Variants in ZNF385D observed in about 807,000 individuals in gnomAD.
The protein encoded by ZNF385D is zinc finger protein 385D.
Under a neutral mutation model 35.8 loss-of-function variants are expected in ZNF385D, and 15 were observed. That is an observed-to-expected ratio of 0.42 (90% CI 0.28 to 0.64). The LOEUF (loss-of-function observed/expected upper bound fraction) is 0.64. ZNF385D is among the 30% of genes least tolerant of loss of function. The probability of loss-of-function intolerance (pLI) is 0.23; values close to 1 mark genes in which losing one functional copy is unlikely to be tolerated. For missense variants in ZNF385D, 474 were observed against 494.6 expected (o/e 0.96, Z 0.39); for synonymous variants, 212 against 186.8 (o/e 1.13, Z -1.10).
At chr3:21,915,521 A>G (rs955913915) in intron 3 of ZNF385D, among the ~76,000 whole-genome samples, 2 of 152,168 alleles carry the variant, frequency 1.3e-5, no homozygotes, top group African/African-American at 4.8e-5. Flanking sequence ...TAAAATAAGT[A>G]AATGTGTTTC....
At chr3:21,456,096 GAGAGGATGTGGAGA>G (rs1040643396) in intron 4 of ZNF385D, among the ~76,000 whole-genome samples, 4 of 152,184 alleles carry the variant, frequency 2.6e-5, no homozygotes, top group African/African-American at 9.7e-5. Context: ...ACAGATGCTG[GAGAGGATGTGGAGA>G]AATAGGAACA....
At chr3:22,323,507 G>C (rs1172242596) in intron 2 of ZNF385D, among the ~76,000 whole-genome samples, 1 of 151,970 alleles carries the variant, frequency 6.6e-6, no homozygotes, top group East Asian at 1.9e-4. Flanking sequence ...AACACATTGA[G>C]GTAAATGCTT....
chr3:21,678,478 A>T (rs2066797693), intron 1 of ZNF385D, among the ~76,000 whole-genome samples: 1 of 152,050 alleles, frequency 6.6e-6, no homozygotes, highest in Non-Finnish European at 1.5e-5. Flanking sequence ...TCGTGAAGTG[A>T]CCTAATCACT....
intron 3 of ZNF385D, among the ~76,000 whole-genome samples, chr3:21,908,908 AT>A (rs1188471892): frequency 6.6e-6 from 1 of 152,164 alleles, no homozygotes; most frequent in East Asian, 1.9e-4. Flanking sequence ...TATGAAAATT[AT>A]TTTTTTCAAT....
chr3:21,751,047 A>G lies in ZNF385D; in HGVS notation c.-131T>C. The G allele has an allele frequency of 6.4e-7, 1 of 1,556,586 alleles. No individual in the cohort carries two copies. On this transcript the variant is annotated 5_prime_UTR_variant, in exon 1 of 8. Coordinates refer to ENST00000281523, the MANE Select transcript of ZNF385D (RefSeq NM_024697.3). ...CCGGCGTGGAGAGCAGTGAGCGCCG[A>G]GAGCGTGCCTCCTCCGCGGGATGAG...
intron 3 of ZNF385D, among the ~76,000 whole-genome samples, chr3:22,030,286 TATATATATA>T (rs1697897486): frequency 2.0e-5 from 2 of 100,278 alleles, no homozygotes; most frequent in African/African-American, 8.1e-5. Context: ...TATATATATA[TATATATATA>T]TATATATCCT....
intron 3 of ZNF385D, among the ~76,000 whole-genome samples, chr3:21,973,625 G>A (rs138345170): frequency 6.6e-6 from 1 of 151,826 alleles, no homozygotes; most frequent in Admixed American, 6.6e-5. Flanking sequence ...GAAAAGGAAA[G>A]AAGTAAAATT....
At chr3:21,866,437 C>A (rs1697368797) in intron 3 of ZNF385D, among the ~76,000 whole-genome samples, 1 of 152,144 alleles carries the variant, frequency 6.6e-6, no homozygotes. Flanking sequence ...TCTTGGGCAA[C>A]AGGAGTGAAA....
At chr3:21,859,117 C>A (rs1045322835) in intron 3 of ZNF385D, among the ~76,000 whole-genome samples, 1 of 151,982 alleles carries the variant, frequency 6.6e-6, no homozygotes, top group African/African-American at 2.4e-5. Flanking sequence ...AGTAGAAATG[C>A]CATCTGGAAA....
At chr3:22,118,693 T>C (rs778193265) in intron 3 of ZNF385D, among the ~76,000 whole-genome samples, 1 of 152,106 alleles carries the variant, frequency 6.6e-6, no homozygotes, top group East Asian at 1.9e-4. Flanking sequence ...AAAGAGCAGA[T>C]AGCTGTTTTG....
chr3:21,517,008 T>C (rs923286021), intron 3 of ZNF385D, among the ~76,000 whole-genome samples: 5 of 152,096 alleles, frequency 3.3e-5, no homozygotes, highest in South Asian at 2.1e-4. Context: ...TTAGCTTAGA[T>C]TATTTCAGAG....
intron 4 of ZNF385D, among the ~76,000 whole-genome samples, chr3:21,471,271 TCTTTCTCTCTCTCTCTCTCTCTCTCACA>T (rs1443945575): frequency 3.7e-5 from 4 of 106,784 alleles, no homozygotes; most frequent in Non-Finnish European, 5.6e-5. Flanking sequence ...TCTCTCTCTC[TCTTTCTCTCTCTCTCTCTCTCTCTCACA>T]CACACACACA....
At chr3:21,991,579 T>A (rs7652319) in intron 3 of ZNF385D, among the ~76,000 whole-genome samples, 1 of 152,090 alleles carries the variant, frequency 6.6e-6, no homozygotes, top group Non-Finnish European at 1.5e-5. Flanking sequence ...GTGGGCAAAA[T>A]GTTCCACCAC....
At chr3:21,655,807 C>A (rs2066055106) in intron 2 of ZNF385D, among the ~76,000 whole-genome samples, 1 of 151,898 alleles carries the variant, frequency 6.6e-6, no homozygotes, top group African/African-American at 2.4e-5. Context: ...AGTGATTTAC[C>A]ATTTGTATGA....
At chr3:21,755,677 T>G (rs2070308146), upstream of ZNF385D, among the ~76,000 whole-genome samples, 1 of 152,214 alleles carries the variant, frequency 6.6e-6, no homozygotes, top group African/African-American at 2.4e-5. Flanking sequence ...CCTTTACTTG[T>G]ATGTAACCCA....
At chr3:22,030,303 C>A (rs1353691023) in intron 3 of ZNF385D, among the ~76,000 whole-genome samples, 11 of 25,200 alleles carry the variant, frequency 4.4e-4, no homozygotes, top group East Asian at 2.4e-3. Context: ...ATATATATAT[C>A]CTATTTGGTC....
intron 3 of ZNF385D, among the ~76,000 whole-genome samples, chr3:22,112,950 T>A (rs1702615716): frequency 6.6e-6 from 1 of 152,100 alleles, no homozygotes; most frequent in African/African-American, 2.4e-5. Context: ...AATGTGAACA[T>A]GCCTCACAAG....
At chr3:22,071,857 G>T (rs1218574374) in intron 3 of ZNF385D, among the ~76,000 whole-genome samples, 1 of 152,056 alleles carries the variant, frequency 6.6e-6, no homozygotes, top group Non-Finnish European at 1.5e-5. Flanking sequence ...GCCATCTGTG[G>T]CTGGGGCATT....
At chr3:22,172,663 C>T (rs918169233) in intron 2 of ZNF385D, among the ~76,000 whole-genome samples, 3 of 151,974 alleles carry the variant, frequency 2.0e-5, no homozygotes, top group Admixed American at 6.6e-5. Flanking sequence ...GACACAGAAG[C>T]CAACTGAAAA....
Sources: gnomAD v4.1 joint callset for allele counts (sites outside exome capture counted in the v4.1 genomes callset) on GRCh38, gnomAD v4.1.1 for gene constraint, MANE v1.5 for transcripts, NCBI Gene and HGNC (gene_info 2026-07-23, HGNC 2026-07-21) for gene names.